The following WWOX variants were observed in gnomAD, a reference collection of about 807,000 sequenced individuals.
The protein encoded by WWOX is WW domain containing oxidoreductase.
A neutral mutation model predicts 46.2 loss-of-function variants in WWOX; 69 were observed. That is an observed-to-expected ratio of 1.49 (90% CI 1.23 to 1.82). The LOEUF (loss-of-function observed/expected upper bound fraction) is 1.82, where lower values mean the gene tolerates loss of function less well. WWOX is among the 40% of genes most tolerant of loss of function. The pLI, the probability that WWOX is intolerant of heterozygous loss-of-function variation, is 0.00. For missense variants in WWOX, 919 were observed against 542.6 expected (o/e 1.69, Z -6.89); for synonymous variants, 359 against 202.6 (o/e 1.77, Z -6.56).
chr16:78,631,717 G>A (rs865913493), intron 8 of WWOX, among the ~76,000 whole-genome samples: 44 of 151,776 alleles, frequency 2.9e-4, no homozygotes, highest in Non-Finnish European at 3.2e-4. Context: ...GTAGGGACAG[G>A]GTTTCAACAT....
intron 5 of WWOX, among the ~76,000 whole-genome samples, chr16:78,386,122 A>C (rs1029651115): frequency 6.6e-6 from 1 of 152,164 alleles, no homozygotes; most frequent in Non-Finnish European, 1.5e-5. Flanking sequence ...TCAATTTCCT[A>C]TCTCTGTGAT....
chr16:78,693,390 C>G (rs1009210310), intron 8 of WWOX, among the ~76,000 whole-genome samples: 40 of 152,136 alleles, frequency 2.6e-4, no homozygotes, highest in African/African-American at 9.7e-4. Context: ...CTTCTAAGTT[C>G]CATTGCAAAA....
chr16:78,355,171 C>T (rs2081259479), intron 5 of WWOX, among the ~76,000 whole-genome samples: 1 of 152,036 alleles, frequency 6.6e-6, no homozygotes, highest in Non-Finnish European at 1.5e-5. Flanking sequence ...TAATGAGGTT[C>T]CTGTCTGCCA....
At chr16:78,432,418 C>G in intron 7 of WWOX, 70 bp from the exon 8 acceptor site, 1 of 1,589,736 alleles carries the variant, frequency 6.3e-7, no homozygotes, top group South Asian at 1.1e-5. Context: ...CCTTAGATTT[C>G]CAATAAAAAT....
intron 8 of WWOX, among the ~76,000 whole-genome samples, chr16:78,842,015 A>C (rs1356139880): frequency 6.6e-6 from 1 of 152,172 alleles, no homozygotes; most frequent in Non-Finnish European, 1.5e-5. Context: ...ACACACTATA[A>C]AGGTGAATGG....
At chr16:78,515,178 C>T (rs140758824) in intron 8 of WWOX, among the ~76,000 whole-genome samples, 4 of 152,096 alleles carry the variant, frequency 2.6e-5, no homozygotes, top group African/African-American at 9.7e-5. Context: ...GAACCGAGAT[C>T]GTGTCACTGC....
rs200112278 is a variant in WWOX at position 78,224,737 on chromosome 16, AT to A, written c.516+60450del. ...AATTGCCAAATTGCTTTCTTGAAAT[AT>A]TGAGGCTACTATTTTCCAGTATCTT... On this transcript the variant is annotated intron_variant, in intron 5 of 8. Coordinates refer to ENST00000566780, the MANE Select transcript of WWOX (RefSeq NM_016373.4). Among the ~76,000 whole-genome samples the A allele has an allele frequency of 2.7e-3, 405 of 152,352 alleles. 4 individuals carry two copies. The highest frequency in any genetic ancestry group is 9.1e-3 in the African/African-American group (380 of 41,576).
chr16:78,901,165 C>T (rs568180813), intron 8 of WWOX, among the ~76,000 whole-genome samples: 11 of 152,188 alleles, frequency 7.2e-5, no homozygotes, highest in African/African-American at 2.2e-4. Flanking sequence ...ATGCAGAGTT[C>T]GGGTTCCTTC....
intron 8 of WWOX, among the ~76,000 whole-genome samples, chr16:78,444,091 T>A (rs916703801): frequency 3.3e-5 from 5 of 152,182 alleles, no homozygotes; most frequent in Admixed American, 6.5e-5. Context: ...GTGCTCAGAA[T>A]CGTTTGGAAA....
chr16:78,391,975 T>C lies in WWOX; in HGVS notation c.605+5027T>C, dbSNP rs1597152866. ...GATTCAAATAAGGTCGATGCATTTT[T>C]AATCTATAGGTTTTGTCTCCTTTTT... On this transcript the variant is annotated intron_variant, in intron 6 of 8. Coordinates refer to ENST00000566780, the MANE Select transcript of WWOX (RefSeq NM_016373.4). Among the ~76,000 whole-genome samples, 4 of 151,874 alleles carry C rather than the reference T, an allele frequency of 2.6e-5. No homozygotes were observed. In the South Asian group the frequency reaches 8.3e-4, roughly 32 times the overall value.
rs74951341 is a variant in WWOX at position 78,222,174 on chromosome 16, C to T, written c.516+57885C>T. ...TTTCCTGCTTGATTGTGAAGATGGC[C>T]GCTGGAAAAGAAGCCAACTCCCAGG... On this transcript the variant is annotated intron_variant, in intron 5 of 8. Coordinates refer to ENST00000566780, the MANE Select transcript of WWOX (RefSeq NM_016373.4). Among the ~76,000 whole-genome samples, 415 of 152,042 alleles carry T rather than the reference C, an allele frequency of 2.7e-3. 2 individuals carry two copies. Among genetic ancestry groups the T allele is most frequent in the Non-Finnish European group, 4.9e-3 (330 of 67,982 alleles).
chr16:78,164,118 C>G (rs899634498), intron 4 of WWOX, 65 bp from the exon 5 acceptor site: 1 of 1,425,826 alleles, frequency 7.0e-7, no homozygotes, highest in Non-Finnish European at 9.8e-7. Flanking sequence ...CCGGTAAAGG[C>G]CATTCAACAT....
intron 5 of WWOX, among the ~76,000 whole-genome samples, chr16:78,307,915 A>T (rs1270199559): frequency 6.6e-6 from 1 of 152,198 alleles, no homozygotes; most frequent in East Asian, 1.9e-4. Context: ...CACAGTTTCA[A>T]TTGTGGTTAA....
rs34068363 is a variant in WWOX, at chr16:78,557,689, A to ATTTTTTTTTTTTTTTTTTTTTTTTTTTT, written c.1056+124960_1056+124961insTTTTTTTTTTTTTTTTTTTTTTTTTTTT. ...CATAAGTGCATTCCTCTAGGGAAGG[A>ATTTTTTTTTTTTTTTTTTTTTTTTTTTT]TTTTTTTTTTTTTTTTTTTTTTTGA... On this transcript the variant is annotated intron_variant, in intron 8 of 8. Coordinates refer to ENST00000566780, the MANE Select transcript of WWOX (RefSeq NM_016373.4). Among the ~76,000 whole-genome samples the ATTTTTTTTTTTTTTTTTTTTTTTTTTTT allele has an allele frequency of 1.3e-4, 13 of 96,624 alleles. 1 individual carries two copies. The highest frequency in any genetic ancestry group is 2.8e-4 in the East Asian group (1 of 3,554). The allele number at this position is 96,624 out of a possible 152,430, so 63.4% of individuals were successfully genotyped here. A position where few individuals can be genotyped will look rare whatever the true frequency, so the allele number is the denominator to read the frequency against.
intron 6 of WWOX, among the ~76,000 whole-genome samples, chr16:78,422,496 C>T (rs1395375639): frequency 6.7e-6 from 1 of 150,110 alleles, no homozygotes; most frequent in Non-Finnish European, 1.5e-5. Flanking sequence ...AGCCACACAC[C>T]ACCACACCTG....
At position 79,106,769 on chromosome 16, in the gene WWOX, C is replaced by T. The variant is rs903619774; in HGVS notation, c.1057-104839C>T. 22 of 149,204 alleles carry T rather than the reference C, an allele frequency of 1.5e-4. 1 individual carries two copies. The highest frequency in any genetic ancestry group is 5.2e-4 in the African/African-American group (21 of 40,746). 9.2% of individuals were successfully genotyped at this position (149,204 alleles called of 1,614,324 possible). ...AGTAACTGAGACTACAGGTTGTGTG[C>T]CACCATACCCAGATAATTTTTTTTT... On this transcript the variant is annotated intron_variant, in intron 8 of 8. Transcript: ENST00000566780.
Position 78,108,499 on chromosome 16 carries a change from G to C in WWOX, c.172+12G>C, listed in dbSNP as rs1276034003. On this transcript the variant is annotated intron_variant, in intron 2 of 8. Coordinates refer to ENST00000566780, the MANE Select transcript of WWOX (RefSeq NM_016373.4). ...ACGAGTGGCAGGAGGTTTGTATGTT[G>C]TTGTCTAAGGATCTTGGATGGAAGC... 6.2e-7 allele frequency: 1 copy of C among 1,613,400 alleles called. No homozygotes were observed. The highest frequency in any genetic ancestry group is 1.7e-5 in the Admixed American group (1 of 59,972).
At chr16:78,993,217 TG>T in intron 8 of WWOX, among the ~76,000 whole-genome samples, 1 of 151,886 alleles carries the variant, frequency 6.6e-6, no homozygotes, top group Non-Finnish European at 1.5e-5. Context: ...GAAATCAGTT[TG>T]TTTGCAGTAA....
chr16:78,813,976 C>G (rs1036512980), intron 8 of WWOX, among the ~76,000 whole-genome samples: 1 of 152,124 alleles, frequency 6.6e-6, no homozygotes. Context: ...TCTATAGGTT[C>G]TATTATATCT....
Sources: allele counts gnomAD v4.1 joint callset (sites outside exome capture counted in the v4.1 genomes callset), GRCh38; gene constraint gnomAD v4.1.1; transcripts MANE v1.5; gene names NCBI Gene and HGNC (gene_info 2026-07-23, HGNC 2026-07-21).